Variants in FRY observed in about 807,000 individuals in gnomAD.
FRY encodes the protein protein furry homolog.
A neutral mutation model predicts 348.4 loss-of-function variants in FRY; 128 were observed. The ratio of observed to expected loss-of-function variants is 0.37; its 90% CI spans 0.32 to 0.43. The LOEUF (loss-of-function observed/expected upper bound fraction) is 0.43. Among genes scored for constraint, FRY ranks in the 20% least tolerant of loss-of-function variants. FRY has a pLI of 1.00. For missense variants in FRY, 2,736 were observed against 3,695.2 expected (o/e 0.74, Z 6.73); for synonymous variants, 1,370 against 1,374.7 (o/e 1.00, Z 0.08).
intron 48 of FRY, among the ~76,000 whole-genome samples, chr13:32,248,371 G>A (rs572669873): frequency 3.9e-5 from 6 of 152,172 alleles, no homozygotes; most frequent in Admixed American, 1.3e-4. Flanking sequence ...ATCACACACC[G>A]AGGCCTATCA....
Position 32,184,588 on chromosome 13 carries a change from C to G in FRY, c.3055-12C>G, listed in dbSNP as rs777261562. 31 of 1,575,782 alleles carry G rather than the reference C, an allele frequency of 2.0e-5. No individual in the cohort carries two copies. Among genetic ancestry groups the G allele is most frequent in the Non-Finnish European group, 2.4e-5 (28 of 1,145,200 alleles). ...CCTGTGTCTGTAAGTGATACTACCT[C>G]TTTCTACACAGAACAAGAAACGCCG... On this transcript the variant is annotated splice_polypyrimidine_tract_variant and intron_variant, in intron 24 of 60. Coordinates refer to ENST00000542859, the MANE Select transcript of FRY (RefSeq NM_023037.3).
chr13:32,071,357 C>T (rs905470507), intron 1 of FRY, among the ~76,000 whole-genome samples: 1 of 152,082 alleles, frequency 6.6e-6, no homozygotes, highest in African/African-American at 2.4e-5. Flanking sequence ...ATTGAATGTT[C>T]TTCCATTTGT....
At chr13:32,276,426 C>G in intron 56 of FRY, 38 bp from the exon 57 acceptor site, 2 of 989,678 alleles carry the variant, frequency 2.0e-6, no homozygotes, top group Non-Finnish European at 3.3e-6. Context: ...GTGTTGGTAT[C>G]TCTCTAGTTT....
At chr13:32,173,640 A>G (rs563485809) in intron 19 of FRY, 91 bp downstream of exon 19, 4 of 950,754 alleles carry the variant, frequency 4.2e-6, no homozygotes, top group African/African-American at 1.6e-5. Context: ...TTACTATTTC[A>G]GGTACTTTTA....
intron 1 of FRY, among the ~76,000 whole-genome samples, chr13:32,078,195 TA>T (rs2138526845): frequency 6.6e-6 from 1 of 152,312 alleles, no homozygotes; most frequent in African/African-American, 2.4e-5. Flanking sequence ...ACATATTTTA[TA>T]AAGGAAGCAC....
At chr13:32,160,245 G>C (rs1465317869) in intron 16 of FRY, among the ~76,000 whole-genome samples, 1 of 152,046 alleles carries the variant, frequency 6.6e-6, no homozygotes, top group Non-Finnish European at 1.5e-5. Flanking sequence ...TCATTATTGT[G>C]CTTGTGTCCT....
chr13:32,240,942 C>T (rs1593789009), intron 46 of FRY, among the ~76,000 whole-genome samples: 1 of 152,206 alleles, frequency 6.6e-6, no homozygotes, highest in South Asian at 2.1e-4. Context: ...TATAGTTGAT[C>T]GTGCAGGATT....
At chr13:32,238,300 AT>A (rs5802639) in intron 44 of FRY, among the ~76,000 whole-genome samples, 103,454 of 151,216 alleles carry the variant, frequency 0.68, 35,971 homozygotes, top group African/African-American at 0.8. Flanking sequence ...GAAAAAAAAA[AT>A]TTTTTTTTCT....
intron 56 of FRY, 104 bp downstream of exon 56, chr13:32,275,095 C>A (rs1432016395): frequency 4.7e-6 from 5 of 1,071,068 alleles, no homozygotes; most frequent in Non-Finnish European, 5.7e-6. Flanking sequence ...AAGATACCTT[C>A]TGGCCGGGTG....
intron 1 of FRY, among the ~76,000 whole-genome samples, chr13:32,042,084 A>G (rs1259814488): frequency 3.3e-5 from 5 of 152,176 alleles, no homozygotes; most frequent in Admixed American, 3.3e-4. Context: ...AACCATGTCA[A>G]TCCTTAGCAC....
rs1292592420 is a variant in FRY, at chr13:32,237,965, G to A, written c.6397G>A (p.Val2133Met). The A allele has an allele frequency of 6.2e-7, 1 of 1,613,918 alleles. No individual in the cohort carries two copies. The highest frequency in any genetic ancestry group is 8.5e-7 in the Non-Finnish European group (1 of 1,180,014). ...LLTPVSKISM[V>M]DASHAIGFPL... The stretch of plus-strand genomic sequence containing the variant: ...GACACCAGTGTCCAAAATATCCATG[G>A]TGGATGCATCCCACGCTATTGGTAA... Residue 2133 changes from valine (V) to methionine (M), a missense_variant, in exon 44 of 61, where the codon GTG becomes ATG. Val to Met is a conservative substitution (Grantham distance 21). Transcript: ENST00000542859. The surrounding 1 kb of genome is among the most constrained non-coding windows in gnomAD (Gnocchi z 6.3).
chr13:32,195,871 A>G (rs893789548), intron 29 of FRY, among the ~76,000 whole-genome samples: 5 of 152,228 alleles, frequency 3.3e-5, no homozygotes, highest in African/African-American at 9.6e-5. Context: ...GCAGGAGAAT[A>G]CAATAGCTTG....
chr13:32,274,492 G>A (rs1888390866), intron 55 of FRY, among the ~76,000 whole-genome samples: 1 of 148,562 alleles, frequency 6.7e-6, no homozygotes, highest in Non-Finnish European at 1.5e-5. Flanking sequence ...CGGATCACAA[G>A]GTCAGATCGA....
intron 49 of FRY, 116 bp downstream of exon 49, chr13:32,249,803 G>T (rs1226132252): frequency 1.4e-5 from 12 of 845,464 alleles, no homozygotes; most frequent in African/African-American, 3.4e-5. Flanking sequence ...ATAGGTCTCA[G>T]CACTTCCAGG....
intron 1 of FRY, among the ~76,000 whole-genome samples, chr13:32,047,588 G>GT (rs953781814): frequency 3.4e-5 from 5 of 148,184 alleles, no homozygotes; most frequent in Non-Finnish European, 6.0e-5. Flanking sequence ...TTTTGGGGGG[G>GT]GTGCAGAGTT....
At chr13:32,102,198 A>G (rs540798109) in intron 3 of FRY, among the ~76,000 whole-genome samples, 182 bp downstream of exon 3, 3 of 152,304 alleles carry the variant, frequency 2.0e-5, no homozygotes, top group South Asian at 2.1e-4. Context: ...GTAAATGTCT[A>G]TTGGTTAGAA....
chr13:32,076,118 T>G (rs1162750177), intron 1 of FRY, among the ~76,000 whole-genome samples: 3 of 152,220 alleles, frequency 2.0e-5, no homozygotes, highest in African/African-American at 7.2e-5. Flanking sequence ...TAGTTCAAAA[T>G]GCAGCCTTGT....
In FRY at chr13:32,161,577, A is replaced by G. The variant is rs111309307; in HGVS notation, c.1892+326A>G. On this transcript the variant is annotated intron_variant, in intron 17 of 60. Coordinates refer to ENST00000542859, the MANE Select transcript of FRY (RefSeq NM_023037.3). Reference sequence around the variant, plus strand: ...AAGGCAACAAATAACTCCTGAGAGAAGGTGGAACTTGAACTTCCTCTCGAA... The same window carrying G: ...AAGGCAACAAATAACTCCTGAGAGAGGGTGGAACTTGAACTTCCTCTCGAA... 9.6e-3 allele frequency among the ~76,000 whole-genome samples: 1,456 copies of G among 152,284 alleles called. 26 individuals are homozygous for G. The highest frequency in any genetic ancestry group is 0.034 in the African/African-American group (1,400 of 41,554).
chr13:32,217,435 A>G lies in FRY; in HGVS notation c.4683-1314A>G, dbSNP rs1485839910. ...CCTAGATAGAAGCATAATAACTAAT[A>G]CCTTATAGTCCGACAGTGTCTTGCA... On this transcript the variant is annotated intron_variant, in intron 35 of 60. Transcript: ENST00000542859. 5.3e-5 allele frequency among the ~76,000 whole-genome samples: 8 copies of G among 152,192 alleles called. No homozygotes were observed. In the East Asian group the frequency reaches 1.5e-3, roughly 29 times the overall value.
Sources: allele counts gnomAD v4.1 joint callset (sites outside exome capture counted in the v4.1 genomes callset), GRCh38; gene constraint gnomAD v4.1.1; non-coding constraint Gnocchi (gnomAD v3.1); transcripts MANE v1.5; gene names NCBI Gene and HGNC (gene_info 2026-07-23, HGNC 2026-07-21).